Variants in RBFOX1 observed in about 807,000 individuals in gnomAD.
RBFOX1 encodes the protein RNA binding fox-1 homolog 1, also known as RNA binding protein fox-1 homolog 1.
Under a neutral mutation model 57.7 loss-of-function variants are expected in RBFOX1, and 8 were observed. That is an observed-to-expected ratio of 0.14 (90% CI 0.08 to 0.25). The LOEUF (loss-of-function observed/expected upper bound fraction) is 0.25, where lower values mean the gene tolerates loss of function less well. Among genes scored for constraint, RBFOX1 ranks in the 10% least tolerant of loss-of-function variants. The probability of loss-of-function intolerance (pLI) is 1.00; values close to 1 mark genes in which losing one functional copy is unlikely to be tolerated. For missense variants in RBFOX1, 611 were observed against 548.5 expected, an observed-to-expected ratio of 1.11 and a Z score of -1.14; for synonymous variants, 326 against 222.4, an observed-to-expected ratio of 1.47 and a Z score of -4.15.
In RBFOX1 at chr16:5,664,144, T is replaced by C. The variant is rs575319574; in HGVS notation, c.318+65183T>C. 2.0e-5 allele frequency among the ~76,000 whole-genome samples: 3 copies of C among 152,344 alleles called. No individual in the cohort carries two copies. In the East Asian group the frequency reaches 5.8e-4, roughly 29 times the overall value. On this transcript the variant is annotated intron_variant, in intron 3 of 19. Transcript: ENST00000641259. ...TGCTGTGTCTGCTTCATCCATGTGT[T>C]GTTTCTTCGATTGGCTAAATTTTAA...
Position 5,852,954 on chromosome 16 carries a change from T to C in RBFOX1, c.319-14349T>C, listed in dbSNP as rs184458851. Among the ~76,000 whole-genome samples, 286 of 152,290 alleles carry C rather than the reference T, an allele frequency of 1.9e-3. 2 individuals are homozygous for C. The highest frequency in any genetic ancestry group is 6.5e-3 in the African/African-American group (272 of 41,562). On this transcript the variant is annotated intron_variant, in intron 3 of 19. Transcript: ENST00000641259. The stretch of plus-strand genomic sequence containing the variant: ...CTCTAGGGCCCCTTTGCCTGTGCGT[T>C]ACGCTCTGAGTTACTTCGTTCTCTC...
At chr16:7,677,832 C>A (rs751698765) in intron 14 of RBFOX1, among the ~76,000 whole-genome samples, 3 of 152,208 alleles carry the variant, frequency 2.0e-5, no homozygotes, top group African/African-American at 7.2e-5. Flanking sequence ...GGTAAGCAGG[C>A]GATGTATTTG....
intron 1 of RBFOX1, among the ~76,000 whole-genome samples, chr16:6,042,565 T>A (rs2095449437): frequency 1.3e-5 from 2 of 152,120 alleles, no homozygotes; most frequent in African/African-American, 4.8e-5. Context: ...GAATAGGAGG[T>A]AGAGATCTTT....
At chr16:7,261,678 A>G (rs535562588) in intron 4 of RBFOX1, among the ~76,000 whole-genome samples, 75 of 152,302 alleles carry the variant, frequency 4.9e-4, no homozygotes, top group South Asian at 6.2e-4. Context: ...ACAGGATGCC[A>G]GTCCAAGCAT....
chr16:7,230,035 AGGG>A (rs1178820210), intron 4 of RBFOX1, among the ~76,000 whole-genome samples: 2 of 103,188 alleles, frequency 1.9e-5, no homozygotes, highest in African/African-American at 7.5e-5. Flanking sequence ...GAAGGAAGGA[AGGG>A]AGAGAGAGGA....
At chr16:5,775,835 A>G (rs1324893858) in intron 3 of RBFOX1, among the ~76,000 whole-genome samples, 3 of 152,222 alleles carry the variant, frequency 2.0e-5, no homozygotes, top group African/African-American at 7.2e-5. Context: ...GTGGAAATGA[A>G]GATGCAGGCG....
chr16:5,805,045 T>G (rs2055182341), intron 3 of RBFOX1, among the ~76,000 whole-genome samples: 1 of 151,994 alleles, frequency 6.6e-6, no homozygotes, highest in South Asian at 2.1e-4. Flanking sequence ...AAATACAGTT[T>G]GGGGAGCATT....
intron 3 of RBFOX1, among the ~76,000 whole-genome samples, chr16:5,808,989 T>A (rs1251535539): frequency 1.2e-4 from 18 of 152,182 alleles, no homozygotes; most frequent in Non-Finnish European, 1.5e-5. Context: ...GGCATCCCTG[T>A]CTTGTGCCAG....
intron 4 of RBFOX1, among the ~76,000 whole-genome samples, chr16:7,140,844 C>G (rs1311464432): frequency 1.3e-5 from 2 of 152,160 alleles, no homozygotes; most frequent in African/African-American, 2.4e-5. Flanking sequence ...TTGGCGGACT[C>G]CAGGAGCAGG....
chr16:7,078,710 T>A (rs2058686774), intron 4 of RBFOX1, among the ~76,000 whole-genome samples: 1 of 149,160 alleles, frequency 6.7e-6, no homozygotes, highest in Non-Finnish European at 1.5e-5. Flanking sequence ...TGAGACAGGC[T>A]CTCGCTCTGT....
intron 3 of RBFOX1, among the ~76,000 whole-genome samples, chr16:6,778,767 T>C (rs1374213607): frequency 2.0e-5 from 3 of 152,092 alleles, no homozygotes; most frequent in African/African-American, 7.2e-5. Context: ...AATTTTCTTG[T>C]TTATCGCACA....
intron 2 of RBFOX1, among the ~76,000 whole-genome samples, chr16:6,517,828 A>T (rs1310624677): frequency 6.6e-6 from 1 of 152,142 alleles, no homozygotes. Flanking sequence ...TTATTTTCCA[A>T]TTCTTAAAAG....
At chr16:6,784,518 C>A (rs8045508) in intron 3 of RBFOX1, among the ~76,000 whole-genome samples, 1 of 151,942 alleles carries the variant, frequency 6.6e-6, no homozygotes, top group Non-Finnish European at 1.5e-5. Context: ...AATTCCTCTT[C>A]TATGTTATCT....
At chr16:7,155,595 GAAA>G (rs57504385) in intron 4 of RBFOX1, among the ~76,000 whole-genome samples, 2 of 121,234 alleles carry the variant, frequency 1.6e-5, no homozygotes, top group African/African-American at 6.2e-5. Context: ...GCACTTGTCT[GAAA>G]AAAAAAAAAG....
At chr16:6,495,026 TTATA>T (rs1407179610) in intron 2 of RBFOX1, among the ~76,000 whole-genome samples, 1 of 152,184 alleles carries the variant, frequency 6.6e-6, no homozygotes. Flanking sequence ...TTGCCCAAGA[TTATA>T]CAGTCATCAC....
intron 1 of RBFOX1, among the ~76,000 whole-genome samples, chr16:5,266,362 T>A (rs1206214851): frequency 6.6e-6 from 1 of 151,904 alleles, no homozygotes; most frequent in Non-Finnish European, 1.5e-5. Flanking sequence ...TTGCCTAATG[T>A]CCCCCGGGGG....
intron 4 of RBFOX1, among the ~76,000 whole-genome samples, chr16:7,165,664 G>C (rs1384848022): frequency 1.3e-5 from 2 of 151,638 alleles, no homozygotes; most frequent in Non-Finnish European, 2.9e-5. Context: ...CCCGATCTCA[G>C]GTGATCTGCC....
At chr16:5,628,681 C>T (rs1291718734) in intron 3 of RBFOX1, among the ~76,000 whole-genome samples, 1 of 152,172 alleles carries the variant, frequency 6.6e-6, no homozygotes, top group Non-Finnish European at 1.5e-5. Flanking sequence ...AGAAGCCTTG[C>T]TATTACAGTC....
intron 14 of RBFOX1, among the ~76,000 whole-genome samples, chr16:7,701,043 G>A (rs574708717): frequency 6.6e-6 from 1 of 152,274 alleles, no homozygotes; most frequent in East Asian, 1.9e-4. Context: ...AAGCTCAGAT[G>A]TGTTCCCTCC....
Sources: allele counts gnomAD v4.1 joint callset (sites outside exome capture counted in the v4.1 genomes callset), GRCh38; gene constraint gnomAD v4.1.1; transcripts MANE v1.5; gene names NCBI Gene and HGNC (gene_info 2026-07-23, HGNC 2026-07-21).